Variants in SIPA1L3 observed in about 807,000 individuals in gnomAD.
SIPA1L3 encodes signal induced proliferation associated 1 like 3.
In SIPA1L3, 59 loss-of-function variants were observed where a neutral mutation model predicts 150.1. That is an observed-to-expected ratio of 0.39 (90% CI 0.32 to 0.49). The LOEUF (loss-of-function observed/expected upper bound fraction) is 0.49, where lower values mean the gene tolerates loss of function less well. SIPA1L3 is among the 20% of genes least tolerant of loss of function. The pLI is 0.86. For synonymous variants in SIPA1L3, 1,070 were observed against 1,077.6 expected, an observed-to-expected ratio of 0.99 and a Z score of 0.14; for missense variants, 2,211 against 2,489.5, an observed-to-expected ratio of 0.89 and a Z score of 2.38.
At chr19:38,193,401 G>A in intron 17 of SIPA1L3, 136 bp from the exon 18 acceptor site, 1 of 1,048,978 alleles carries the variant, frequency 9.5e-7, no homozygotes, top group Non-Finnish European at 1.3e-6. Context: ...GAGGGAGGAA[G>A]GAAGGAAATG....
intron 10 of SIPA1L3, among the ~76,000 whole-genome samples, chr19:38,138,584 C>A (rs909695474): frequency 4.6e-5 from 1 of 21,638 alleles, no homozygotes; most frequent in African/African-American, 9.2e-4. Context: ...CTTGCCTCCC[C>A]CTCCCACAGG....
At position 38,180,837 on chromosome 19, in the gene SIPA1L3, G is replaced by A. The variant is rs368560885; in HGVS notation, c.4209-1682G>A. 3.9e-5 allele frequency among the ~76,000 whole-genome samples: 6 copies of A among 152,196 alleles called. 1 individual carries two copies. In the South Asian group the frequency reaches 6.2e-4, roughly 16 times the overall value. On this transcript the variant is annotated intron_variant, in intron 15 of 21. Coordinates refer to ENST00000222345, the MANE Select transcript of SIPA1L3 (RefSeq NM_015073.3). ...TGGAATTACAGGCGTGAGCCACCGC[G>A]CCCGGCCAGCATTTAACTTTCAACT...
intron 2 of SIPA1L3, among the ~76,000 whole-genome samples, chr19:38,036,954 G>T (rs1189495900): frequency 6.6e-6 from 1 of 152,164 alleles, no homozygotes; most frequent in Non-Finnish European, 1.5e-5. Flanking sequence ...ACTTCCACCT[G>T]CACCCAGAAC....
intron 1 of SIPA1L3, among the ~76,000 whole-genome samples, chr19:37,933,537 G>A (rs184102635): frequency 1.6e-4 from 24 of 152,310 alleles, no homozygotes; most frequent in African/African-American, 5.3e-4. Context: ...TTCCTGGCAC[G>A]TGGTAGATGC....
At chr19:38,031,326 C>A (rs542822564) in intron 2 of SIPA1L3, among the ~76,000 whole-genome samples, 1 of 152,272 alleles carries the variant, frequency 6.6e-6, no homozygotes, top group African/African-American at 2.4e-5. Context: ...AGTTTTTCTG[C>A]GGATGTCCTT....
intron 1 of SIPA1L3, among the ~76,000 whole-genome samples, chr19:38,021,002 T>C (rs1441998724): frequency 6.6e-6 from 1 of 152,062 alleles, no homozygotes; most frequent in African/African-American, 2.4e-5. Flanking sequence ...GGTTTCGCCA[T>C]GTTGGCCAGG....
rs1972817894 is a variant in SIPA1L3 at position 38,192,137 on chromosome 19, C to G, written c.4431-8C>G. 1 of 1,594,466 alleles carries G rather than the reference C, an allele frequency of 6.3e-7. No homozygotes were observed. Among genetic ancestry groups the G allele is most frequent in the Non-Finnish European group, 8.5e-7 (1 of 1,171,414 alleles). On this transcript the variant is annotated splice_region_variant and splice_polypyrimidine_tract_variant and intron_variant, in intron 16 of 21. Transcript: ENST00000222345. ...GACACCCCTCTGACCCTGACGCTGT[C>G]ATTCCAGGCAGGTGGACACGAACAC...
intron 15 of SIPA1L3, among the ~76,000 whole-genome samples, chr19:38,180,890 T>C (rs1972540420): frequency 6.6e-6 from 1 of 152,196 alleles, no homozygotes; most frequent in African/African-American, 2.4e-5. Flanking sequence ...TCTCTTTGTA[T>C]TTTTCCTACT....
At chr19:38,036,632 C>T (rs855609) in intron 2 of SIPA1L3, among the ~76,000 whole-genome samples, 123,834 of 152,252 alleles carry the variant, frequency 0.81, 50,472 homozygotes, top group Admixed American at 0.87. Context: ...AGTGTCTCTG[C>T]TTTCTAGCTG....
At chr19:38,079,912 G>A (rs1969938524) in intron 2 of SIPA1L3, among the ~76,000 whole-genome samples, 1 of 152,204 alleles carries the variant, frequency 6.6e-6, no homozygotes, top group South Asian at 2.1e-4. Context: ...AAGAAGGACT[G>A]AGGAAGGATA....
chr19:38,068,069 C>A (rs1969636169), intron 2 of SIPA1L3, among the ~76,000 whole-genome samples: 1 of 147,568 alleles, frequency 6.8e-6, no homozygotes, highest in Non-Finnish European at 1.5e-5. Flanking sequence ...TTTGCCCAGG[C>A]TGGAGTGCAG....
At chr19:38,178,086 GGTGTGTGTGTGT>G (rs765404105) in intron 15 of SIPA1L3, among the ~76,000 whole-genome samples, 16,313 of 130,822 alleles carry the variant, frequency 0.12, 1,277 homozygotes, top group East Asian at 0.31. Context: ...GCAGGCTTTT[GGTGTGTGTGTGT>G]GTGTGTGTGT....
intron 3 of SIPA1L3, among the ~76,000 whole-genome samples, chr19:38,083,771 A>T (rs1361933682): frequency 6.6e-6 from 1 of 152,100 alleles, no homozygotes; most frequent in African/African-American, 2.4e-5. Flanking sequence ...CAGGCGGATC[A>T]CTTGAGGTCA....
At chr19:37,946,770 GT>G (rs2046715714) in intron 1 of SIPA1L3, among the ~76,000 whole-genome samples, 1 of 151,504 alleles carries the variant, frequency 6.6e-6, no homozygotes, top group Non-Finnish European at 1.5e-5. Context: ...TGTTTTGCTT[GT>G]TTTATGTATG....
At chr19:38,134,637 G>A (rs529116481) in intron 10 of SIPA1L3, among the ~76,000 whole-genome samples, 19 of 149,306 alleles carry the variant, frequency 1.3e-4, no homozygotes, top group Non-Finnish European at 2.5e-4. Flanking sequence ...AACCCAGGAG[G>A]CAGAGTTTGC....
At chr19:38,187,117 C>G (rs1972700456) in intron 16 of SIPA1L3, among the ~76,000 whole-genome samples, 1 of 151,054 alleles carries the variant, frequency 6.6e-6, no homozygotes, top group African/African-American at 2.4e-5. Flanking sequence ...GAGTTGGAAG[C>G]CAGCCTGGGC....
intron 2 of SIPA1L3, among the ~76,000 whole-genome samples, chr19:38,041,109 C>CTTT (rs11419928): frequency 1.5e-5 from 2 of 130,066 alleles, no homozygotes; most frequent in Non-Finnish European, 3.2e-5. Flanking sequence ...ATTATTATTA[C>CTTT]TTTTTTTTTT....
chr19:37,942,235 CAGATTAAT>C (rs1166561573), intron 1 of SIPA1L3, among the ~76,000 whole-genome samples: 1 of 151,908 alleles, frequency 6.6e-6, no homozygotes, highest in Non-Finnish European at 1.5e-5. Flanking sequence ...AAGAAGTAAA[CAGATTAAT>C]AAGATAATTC....
intron 2 of SIPA1L3, among the ~76,000 whole-genome samples, chr19:38,058,687 G>A (rs984280869): frequency 1.3e-5 from 2 of 152,180 alleles, no homozygotes; most frequent in African/African-American, 4.8e-5. Flanking sequence ...GGCACAGAGG[G>A]TGATCAAACA....
Sources: allele counts gnomAD v4.1 joint callset (sites outside exome capture counted in the v4.1 genomes callset), GRCh38; gene constraint gnomAD v4.1.1; transcripts MANE v1.5; gene names NCBI Gene and HGNC (gene_info 2026-07-23, HGNC 2026-07-21).